Variants in SPAG16 observed in about 807,000 individuals in gnomAD.
The protein encoded by SPAG16 is sperm associated antigen 16, also known as sperm-associated antigen 16 protein.
Under a neutral mutation model 80.4 loss-of-function variants are expected in SPAG16, and 86 were observed. The ratio of observed to expected loss-of-function variants is 1.07; its 90% CI spans 0.90 to 1.28. SPAG16 has a LOEUF of 1.28. Among genes scored for constraint, SPAG16 ranks in the 50% most tolerant of loss-of-function variants. The pLI is 0.00. For missense variants in SPAG16, 870 were observed against 765.3 expected (o/e 1.14, Z -1.61); for synonymous variants, 294 against 265.9 (o/e 1.11, Z -1.03).
chr2:213,497,023 A>G lies in SPAG16; in HGVS notation c.1070+6933A>G, dbSNP rs186518830. 8.5e-3 allele frequency among the ~76,000 whole-genome samples: 1,287 copies of G among 151,984 alleles called. 25 individuals are homozygous for G. The highest frequency in any genetic ancestry group is 0.03 in the African/African-American group (1,239 of 41,548). On this transcript the variant is annotated intron_variant, in intron 10 of 15. Transcript: ENST00000331683. ...ATTTAGCTTCAAGAAAATTCCCCTTAGGAAGGTGATAATTACATACAATTG... is the reference window on the plus strand; with the variant it reads ...ATTTAGCTTCAAGAAAATTCCCCTTGGGAAGGTGATAATTACATACAATTG...
intron 10 of SPAG16, among the ~76,000 whole-genome samples, chr2:213,694,717 C>T (rs1439353008): frequency 6.6e-6 from 1 of 151,808 alleles, no homozygotes; most frequent in Non-Finnish European, 1.5e-5. Context: ...TTCCTTCCTT[C>T]CTTCCTGCTT....
chr2:213,765,542 C>A (rs545689956), intron 10 of SPAG16, among the ~76,000 whole-genome samples: 1 of 151,984 alleles, frequency 6.6e-6, no homozygotes, highest in African/African-American at 2.4e-5. Flanking sequence ...ATCCACTTAC[C>A]TTTTTCTGTC....
At chr2:213,415,226 G>C (rs953055481) in intron 9 of SPAG16, among the ~76,000 whole-genome samples, 4 of 152,212 alleles carry the variant, frequency 2.6e-5, no homozygotes, top group East Asian at 1.9e-4. Flanking sequence ...AAGATCTAGA[G>C]GTCAGCCCCA....
chr2:214,140,378 A>C (rs910463428), intron 14 of SPAG16, among the ~76,000 whole-genome samples: 1 of 151,958 alleles, frequency 6.6e-6, no homozygotes, highest in South Asian at 2.1e-4. Flanking sequence ...CATTTCTTGA[A>C]ACTTATTTTG....
chr2:213,295,002 A>G (rs1264570420), intron 1 of SPAG16, among the ~76,000 whole-genome samples: 1 of 152,182 alleles, frequency 6.6e-6, no homozygotes, highest in African/African-American at 2.4e-5. Context: ...CCTGTCTCCT[A>G]TTAAATACTG....
Position 214,177,685 on chromosome 2 carries a change from T to C in SPAG16, c.1720+28419T>C, listed in dbSNP as rs542547043. ...AGTTATATTTGCTTTCCGTTGTACATTGATGTGTTACAGAATGGCTTAGTA... is the reference window on the plus strand; with the variant it reads ...AGTTATATTTGCTTTCCGTTGTACACTGATGTGTTACAGAATGGCTTAGTA... On this transcript the variant is annotated intron_variant, in intron 15 of 15. Transcript: ENST00000331683. Among the ~76,000 whole-genome samples the C allele has an allele frequency of 2.7e-5, 4 of 150,470 alleles. No homozygotes were observed. In the East Asian group the frequency reaches 5.9e-4, roughly 22 times the overall value.
rs141018171 is a variant in SPAG16 at position 214,075,739 on chromosome 2, G to A, written c.1528-32457G>A. On this transcript the variant is annotated intron_variant, in intron 13 of 15. Coordinates refer to ENST00000331683, the MANE Select transcript of SPAG16 (RefSeq NM_024532.5). ...GAAATACACACATGATGATAATTAA[G>A]TGAAACTGATTTATTTTTATCTCAG... Among the ~76,000 whole-genome samples the A allele has an allele frequency of 3.6e-3, 542 of 152,242 alleles. 4 individuals carry two copies. Among genetic ancestry groups the A allele is most frequent in the Middle Eastern group, 0.017 (5 of 294 alleles).
intron 10 of SPAG16, among the ~76,000 whole-genome samples, chr2:213,520,815 A>G (rs1045066291): frequency 1.3e-5 from 2 of 152,192 alleles, no homozygotes; most frequent in Non-Finnish European, 2.9e-5. Context: ...TTATTGTCAC[A>G]TAATTCTTGG....
Position 213,523,931 on chromosome 2 carries a change from C to A in SPAG16, c.1070+33841C>A, listed in dbSNP as rs541913321. ...TGACAATGCAATAGAAAAGAAAACC[C>A]CATTTTCTGGGGAGAAATTTGCATA... On this transcript the variant is annotated intron_variant, in intron 10 of 15. Transcript: ENST00000331683. Among the ~76,000 whole-genome samples, 28 of 152,232 alleles carry A rather than the reference C, an allele frequency of 1.8e-4. No homozygotes were observed. In the South Asian group the frequency reaches 5.8e-3, roughly 32 times the overall value.
intron 15 of SPAG16, among the ~76,000 whole-genome samples, chr2:214,259,598 G>A (rs113469204): frequency 0.043 from 6,344 of 147,976 alleles, 173 homozygotes; most frequent in Middle Eastern, 0.087. Flanking sequence ...TCTTCCAGGC[G>A]TTCACTCTCC....
At chr2:214,209,207 G>A (rs1427159094) in intron 15 of SPAG16, among the ~76,000 whole-genome samples, 1 of 152,024 alleles carries the variant, frequency 6.6e-6, no homozygotes, top group Non-Finnish European at 1.5e-5. Context: ...CTATGGTAGT[G>A]TAGTTATTAT....
chr2:213,838,027 G>A (rs2074178214), intron 10 of SPAG16, among the ~76,000 whole-genome samples: 1 of 152,024 alleles, frequency 6.6e-6, no homozygotes, highest in African/African-American at 2.4e-5. Context: ...GGTATGTCCT[G>A]AGCCTCATCA....
intron 1 of SPAG16, among the ~76,000 whole-genome samples, chr2:213,290,187 A>C (rs1457881838): frequency 6.6e-6 from 1 of 152,246 alleles, no homozygotes; most frequent in Non-Finnish European, 1.5e-5. Flanking sequence ...AGAAACTATG[A>C]GATAGTTCAC....
intron 15 of SPAG16, among the ~76,000 whole-genome samples, chr2:214,352,558 C>CTGTGTGTGTGTGTGTGTGTGTGTGTGTG (rs761835945): frequency 0.014 from 2,016 of 142,432 alleles, 69 homozygotes; most frequent in African/African-American, 0.05. Flanking sequence ...CTTTTTTTCT[C>CTGTGTGTGTGTGTGTGTGTGTGTGTGTG]TGTGTGTGTG....
chr2:213,629,091 G>T (rs564358138), intron 10 of SPAG16, among the ~76,000 whole-genome samples: 2 of 152,280 alleles, frequency 1.3e-5, no homozygotes, highest in African/African-American at 4.8e-5. Context: ...ATAAGCAAAG[G>T]ACTGGAGAAA....
chr2:213,938,984 C>A (rs1237546470), intron 12 of SPAG16, among the ~76,000 whole-genome samples: 2 of 151,956 alleles, frequency 1.3e-5, no homozygotes. Context: ...GAGAGCAGAA[C>A]TTGTTAACTT....
At chr2:213,597,868 C>T (rs1341687986) in intron 10 of SPAG16, among the ~76,000 whole-genome samples, 2 of 152,138 alleles carry the variant, frequency 1.3e-5, no homozygotes, top group African/African-American at 2.4e-5. Context: ...TTGCATCTGT[C>T]GAGAAAATCT....
At chr2:213,795,085 T>A (rs1052519774) in intron 10 of SPAG16, among the ~76,000 whole-genome samples, 2 of 152,160 alleles carry the variant, frequency 1.3e-5, no homozygotes, top group African/African-American at 4.8e-5. Context: ...TAAAAATTAT[T>A]GATAAGCCCC....
At chr2:214,028,576 A>T (rs2048252648) in intron 13 of SPAG16, among the ~76,000 whole-genome samples, 1 of 152,092 alleles carries the variant, frequency 6.6e-6, no homozygotes, top group African/African-American at 2.4e-5. Context: ...TTTCATAACA[A>T]ATGCCTCAAC....
Sources: gnomAD v4.1 joint callset for allele counts (sites outside exome capture counted in the v4.1 genomes callset) on GRCh38, gnomAD v4.1.1 for gene constraint, MANE v1.5 for transcripts, NCBI Gene and HGNC (gene_info 2026-07-23, HGNC 2026-07-21) for gene names.